Variants in CDC42BPA observed in about 807,000 individuals in gnomAD.
CDC42BPA encodes the protein CDC42 binding protein kinase alpha.
In CDC42BPA, 80 loss-of-function variants were observed where a neutral mutation model predicts 223.5. The observed-to-expected ratio is 0.36, with a 90% CI of 0.30 to 0.43. CDC42BPA has a LOEUF of 0.43. Ranked by LOEUF, CDC42BPA falls within the 20% of genes least tolerant of loss-of-function variation. CDC42BPA has a pLI of 1.00. For missense variants in CDC42BPA, 1,743 were observed against 2,099.9 expected (o/e 0.83, Z 3.32); for synonymous variants, 694 against 718.6 (o/e 0.97, Z 0.55).
At chr1:227,068,676 G>A in intron 21 of CDC42BPA, 1 of 1,207,860 alleles carries the variant, frequency 8.3e-7, no homozygotes, top group African/African-American at 1.6e-5. Context: ...ATCAATCAGT[G>A]AAGATGAGGA....
intron 1 of CDC42BPA, among the ~76,000 whole-genome samples, chr1:227,268,775 T>A (rs1298656596): frequency 1.3e-5 from 2 of 151,166 alleles, no homozygotes; most frequent in Non-Finnish European, 2.9e-5. Flanking sequence ...AGCCTCAACC[T>A]CCTGGGCTGA....
intron 10 of CDC42BPA, among the ~76,000 whole-genome samples, chr1:227,136,973 C>T (rs10799386): frequency 6.6e-6 from 1 of 152,062 alleles, no homozygotes; most frequent in Non-Finnish European, 1.5e-5. Context: ...AAGCACCAAA[C>T]GGGTAAATAT....
chr1:227,008,024 A>G (rs758273734), intron 34 of CDC42BPA, among the ~76,000 whole-genome samples: 3 of 152,186 alleles, frequency 2.0e-5, no homozygotes, highest in Admixed American at 6.5e-5. Flanking sequence ...TCCTGGTTAT[A>G]AGCAGGCATA....
intron 12 of CDC42BPA, among the ~76,000 whole-genome samples, chr1:227,115,360 A>G (rs1687606379): frequency 6.6e-6 from 1 of 152,098 alleles, no homozygotes; most frequent in Admixed American, 6.5e-5. Flanking sequence ...AATTCAATAC[A>G]CTAAGAAGAA....
chr1:227,084,271 C>T (rs1572702774), intron 16 of CDC42BPA, among the ~76,000 whole-genome samples: 1 of 152,038 alleles, frequency 6.6e-6, no homozygotes, highest in Non-Finnish European at 1.5e-5. Context: ...CTCACGCCTG[C>T]AATCCCAACA....
chr1:227,186,987 C>A (rs1668879462), intron 5 of CDC42BPA, among the ~76,000 whole-genome samples: 2 of 152,018 alleles, frequency 1.3e-5, no homozygotes. Context: ...TTTCTTTTTT[C>A]CTTAAAAACC....
chr1:227,129,817 A>T (rs1026268277), intron 10 of CDC42BPA, among the ~76,000 whole-genome samples: 1 of 151,614 alleles, frequency 6.6e-6, no homozygotes, highest in Non-Finnish European at 1.5e-5. Flanking sequence ...TAGGAACATC[A>T]CCATGTGATA....
intron 2 of CDC42BPA, among the ~76,000 whole-genome samples, chr1:227,250,808 T>C (rs989534613): frequency 5.3e-5 from 8 of 152,052 alleles, no homozygotes; most frequent in African/African-American, 1.9e-4. Context: ...TCCCAGCACT[T>C]TGGGAGGCTG....
chr1:227,299,823 A>C (rs918473319), intron 1 of CDC42BPA, among the ~76,000 whole-genome samples: 2 of 152,216 alleles, frequency 1.3e-5, no homozygotes, highest in African/African-American at 4.8e-5. Flanking sequence ...ACAAGGAAGC[A>C]AAGTATTACA....
At chr1:227,230,923 C>A (rs773970667) in intron 2 of CDC42BPA, among the ~76,000 whole-genome samples, 3 of 147,874 alleles carry the variant, frequency 2.0e-5, no homozygotes, top group Non-Finnish European at 3.0e-5. Context: ...CGGGTTCAAG[C>A]GATTCCCCTG....
chr1:227,292,371 A>C (rs1281305278), intron 1 of CDC42BPA, among the ~76,000 whole-genome samples: 1 of 152,246 alleles, frequency 6.6e-6, no homozygotes, highest in Non-Finnish European at 1.5e-5. Flanking sequence ...ATTTCACTAA[A>C]TATTTACCTC....
chr1:227,174,189 G>A (rs1163180057), intron 5 of CDC42BPA, among the ~76,000 whole-genome samples: 2 of 152,062 alleles, frequency 1.3e-5, no homozygotes, highest in Non-Finnish European at 2.9e-5. Context: ...AAGTCGAGGA[G>A]CATCCATATA....
intron 17 of CDC42BPA, among the ~76,000 whole-genome samples, chr1:227,075,534 T>C (rs887005239): frequency 6.6e-6 from 1 of 152,198 alleles, no homozygotes; most frequent in African/African-American, 2.4e-5. Context: ...TACACATTCC[T>C]AGGCTCTATC....
intron 11 of CDC42BPA, among the ~76,000 whole-genome samples, 197 bp from the exon 12 acceptor site, chr1:227,120,134 T>C (rs2149442158): frequency 6.6e-6 from 1 of 151,266 alleles, no homozygotes; most frequent in Middle Eastern, 3.4e-3. Flanking sequence ...TGTATGCCAG[T>C]GTGAAGATGT....
In CDC42BPA at chr1:227,222,519, C is replaced by A. The variant is rs570724553; in HGVS notation, c.271-9300G>T. On this transcript the variant is annotated intron_variant, in intron 2 of 36. Transcript: ENST00000366766. ...GTCTCAAACAAAGAAACAACAACAACAAAAAAACTATCAGATTTTACCTGT... is the reference window on the plus strand; with the variant it reads ...GTCTCAAACAAAGAAACAACAACAAAAAAAAAACTATCAGATTTTACCTGT... Among the ~76,000 whole-genome samples the A allele has an allele frequency of 1.8e-4, 27 of 151,050 alleles. 1 individual carries two copies. Among genetic ancestry groups the A allele is most frequent in the Admixed American group, 2.6e-4 (4 of 15,224 alleles).
At chr1:227,075,570 T>C (rs996942663) in intron 17 of CDC42BPA, among the ~76,000 whole-genome samples, 3 of 152,178 alleles carry the variant, frequency 2.0e-5, no homozygotes, top group Middle Eastern at 3.2e-3. Context: ...TTATTGCCTG[T>C]TAAAGAAAAA....
intron 14 of CDC42BPA, among the ~76,000 whole-genome samples, chr1:227,102,732 C>T (rs530633820): frequency 5.1e-4 from 78 of 151,768 alleles, no homozygotes; most frequent in Non-Finnish European, 9.7e-4. Context: ...AAAAACCTAC[C>T]AAGAAATAAT....
At chr1:227,243,232 T>G (rs1680305956) in intron 2 of CDC42BPA, among the ~76,000 whole-genome samples, 1 of 152,098 alleles carries the variant, frequency 6.6e-6, no homozygotes, top group Admixed American at 6.5e-5. Flanking sequence ...GTACTGAGCT[T>G]AATAGGGCGA....
intron 17 of CDC42BPA, among the ~76,000 whole-genome samples, chr1:227,080,360 A>G (rs1050410145): frequency 1.1e-4 from 17 of 152,184 alleles, no homozygotes; most frequent in Non-Finnish European, 2.5e-4. Flanking sequence ...GGTTACTAAG[A>G]TGAATATTCC....
Sources: gnomAD v4.1 joint callset for allele counts (sites outside exome capture counted in the v4.1 genomes callset) on GRCh38, gnomAD v4.1.1 for gene constraint, MANE v1.5 for transcripts, NCBI Gene and HGNC (gene_info 2026-07-23, HGNC 2026-07-21) for gene names.